The following STK3 variants were observed in gnomAD, a reference collection of about 807,000 sequenced individuals.
STK3 encodes serine/threonine-protein kinase 3.
Under a neutral mutation model 58.0 loss-of-function variants are expected in STK3, and 41 were observed. The ratio of observed to expected loss-of-function variants is 0.71; its 90% CI spans 0.55 to 0.92. The LOEUF (loss-of-function observed/expected upper bound fraction) is 0.92, where lower values mean the gene tolerates loss of function less well. Among genes scored for constraint, STK3 ranks in the 40% least tolerant of loss-of-function variants. The pLI is 0.00. For synonymous variants in STK3, 170 were observed against 191.0 expected (o/e 0.89, Z 0.91); for missense variants, 479 against 602.7 (o/e 0.79, Z 2.15).
chr8:98,477,702 C>CGGGGG (rs1286720911), intron 10 of STK3, among the ~76,000 whole-genome samples: 166 of 2,258 alleles, frequency 0.074, 14 homozygotes, highest in East Asian at 0.1. Flanking sequence ...TCACACTTGG[C>CGGGGG]GGGGGGGGGG....
At chr8:98,741,576 G>A (rs906109752) in intron 4 of STK3, among the ~76,000 whole-genome samples, 12 of 152,024 alleles carry the variant, frequency 7.9e-5, no homozygotes, top group East Asian at 3.9e-4. Context: ...TACCAGAATC[G>A]CTGGGACACA....
upstream of STK3, among the ~76,000 whole-genome samples, chr8:98,389,443 T>C (rs994379724): frequency 1.3e-5 from 2 of 152,134 alleles, no homozygotes; most frequent in Admixed American, 1.3e-4. Flanking sequence ...AAGCTTCAAA[T>C]AAAAAATTAT....
intron 6 of STK3, among the ~76,000 whole-genome samples, chr8:98,622,012 C>T (rs1472382919): frequency 1.3e-5 from 2 of 151,102 alleles, no homozygotes; most frequent in South Asian, 2.1e-4. Flanking sequence ...GCCTGTAATC[C>T]CAGTACTTTG....
chr8:98,693,927 G>C (rs959636698), intron 6 of STK3, among the ~76,000 whole-genome samples: 1 of 152,036 alleles, frequency 6.6e-6, no homozygotes. Context: ...ATTAAAAAAC[G>C]GTTAACTAAG....
intron 10 of STK3, among the ~76,000 whole-genome samples, chr8:98,458,660 T>G (rs1443532810): frequency 6.6e-6 from 1 of 152,154 alleles, no homozygotes; most frequent in Non-Finnish European, 1.5e-5. Flanking sequence ...GGGAGGTGAT[T>G]GGATCATGGG....
At chr8:98,456,853 G>A (rs759399361) in intron 10 of STK3, among the ~76,000 whole-genome samples, 9 of 152,322 alleles carry the variant, frequency 5.9e-5, no homozygotes, top group Non-Finnish European at 1.3e-4. Flanking sequence ...ATCCAAAGTA[G>A]CATTTCTCAG....
At chr8:98,557,436 T>C (rs1811685038) in intron 8 of STK3, among the ~76,000 whole-genome samples, 1 of 152,086 alleles carries the variant, frequency 6.6e-6, no homozygotes, top group Non-Finnish European at 1.5e-5. Flanking sequence ...TATCCCATTG[T>C]CCTTGTTATT....
At chr8:98,927,494 T>C (rs72668456) in intron 1 of STK3, among the ~76,000 whole-genome samples, 12,281 of 152,282 alleles carry the variant, frequency 0.081, 547 homozygotes, top group South Asian at 0.1. Flanking sequence ...CTACTACTAG[T>C]GTTTATTGAG....
At chr8:98,561,816 A>G (rs542427143) in intron 8 of STK3, among the ~76,000 whole-genome samples, 1 of 152,310 alleles carries the variant, frequency 6.6e-6, no homozygotes, top group South Asian at 2.1e-4. Context: ...AAAAATTCAC[A>G]ATAAGAAAAC....
rs1250769394 is a variant in STK3 at position 98,751,454 on chromosome 8, A to G, written c.237-2064T>C. On this transcript the variant is annotated intron_variant, in intron 3 of 10. Coordinates refer to ENST00000419617, the MANE Select transcript of STK3 (RefSeq NM_006281.4). ...GCAAAAATCCCTAGCATTCCTATAT[A>G]CCAACAACAGTCAAGCCGAGAGCCA... Among the ~76,000 whole-genome samples the G allele has an allele frequency of 2.0e-5, 3 of 152,174 alleles. No individual in the cohort carries two copies. In the East Asian group the frequency reaches 5.8e-4, roughly 29 times the overall value.
chr8:98,612,912 C>A (rs927628011), intron 6 of STK3, among the ~76,000 whole-genome samples: 2 of 152,124 alleles, frequency 1.3e-5, no homozygotes, highest in Non-Finnish European at 2.9e-5. Flanking sequence ...AAAGGACAGC[C>A]CCCCCTAGCA....
At chr8:98,887,421 G>C (rs999841248) in intron 1 of STK3, among the ~76,000 whole-genome samples, 3 of 152,022 alleles carry the variant, frequency 2.0e-5, no homozygotes, top group Admixed American at 1.3e-4. Flanking sequence ...AAACACTTCT[G>C]GTCCTAAGCA....
chr8:98,937,526 C>T lies in STK3; in HGVS notation c.-79+4852G>A, dbSNP rs191489535. Reference sequence around the variant, plus strand: ...AAATACAAATACTTTAACAATTTAACAAAACCAAGGGGATCCAACCTTAAA... The same window carrying T: ...AAATACAAATACTTTAACAATTTAATAAAACCAAGGGGATCCAACCTTAAA... On this transcript the variant is annotated intron_variant, in intron 1 of 1. Coordinates refer to the STK3 transcript ENST00000519420. Among the ~76,000 whole-genome samples the T allele has an allele frequency of 2.0e-5, 3 of 152,306 alleles. No homozygotes were observed. In the East Asian group the frequency reaches 5.8e-4, roughly 29 times the overall value.
intron 3 of STK3, among the ~76,000 whole-genome samples, chr8:98,867,235 G>A (rs972164221): frequency 6.6e-6 from 1 of 152,116 alleles, no homozygotes; most frequent in Non-Finnish European, 1.5e-5. Context: ...GGGCAACATG[G>A]TGAAACCCTG....
At chr8:98,363,843 G>T in the STK3 span, among the ~76,000 whole-genome samples, 1 of 152,208 alleles carries the variant, frequency 6.6e-6, no homozygotes, top group Non-Finnish European at 1.5e-5. Flanking sequence ...AGGGCCTGAG[G>T]ACCCCTTCTT....
intron 1 of STK3, chr8:98,782,538 A>C (rs1374638846): frequency 3.0e-6 from 1 of 335,766 alleles, no homozygotes; most frequent in Non-Finnish European, 6.0e-6. Context: ...TCTAAGACCA[A>C]GGAAGCATGC....
chr8:98,787,311 T>A (rs1832537232), intron 1 of STK3, among the ~76,000 whole-genome samples: 4 of 146,794 alleles, frequency 2.7e-5, no homozygotes, highest in Non-Finnish European at 6.0e-5. Flanking sequence ...AGCAATAGAA[T>A]CAAACAAGCA....
chr8:98,908,843 C>CAAAAAAAAAA (rs1187304586), intron 1 of STK3, among the ~76,000 whole-genome samples: 1 of 60,434 alleles, frequency 1.7e-5, no homozygotes. Context: ...GACTTCTTCT[C>CAAAAAAAAAA]AAAAAAAAAA....
intron 1 of STK3, among the ~76,000 whole-genome samples, chr8:98,893,474 GAAAGAAAGAAAGAGAA>G (rs1250771804): frequency 0.013 from 839 of 64,738 alleles, 1 homozygote; most frequent in East Asian, 0.03. Flanking sequence ...AAGAAAGAAA[GAAAGAAAGAAAGAGAA>G]AGAAAGAAAG....
Sources: allele counts gnomAD v4.1 joint callset (sites outside exome capture counted in the v4.1 genomes callset), GRCh38; gene constraint gnomAD v4.1.1; transcripts MANE v1.5; gene names NCBI Gene and HGNC (gene_info 2026-07-23, HGNC 2026-07-21).